The following MPPED2 variants were observed in gnomAD, a reference collection of about 807,000 sequenced individuals.
MPPED2 encodes metallophosphoesterase MPPED2.
Under a neutral mutation model 33.0 loss-of-function variants are expected in MPPED2, and 5 were observed. The observed-to-expected ratio is 0.15, with a 90% CI of 0.08 to 0.32. The LOEUF is 0.32. Ranked by LOEUF, MPPED2 falls within the 10% of genes least tolerant of loss-of-function variation. The pLI is 1.00. For synonymous variants in MPPED2, 136 were observed against 141.9 expected (o/e 0.96, Z 0.29); for missense variants, 275 against 372.1 (o/e 0.74, Z 2.15).
intron 4 of MPPED2, among the ~76,000 whole-genome samples, chr11:30,490,056 A>G (rs911175414): frequency 2.0e-5 from 3 of 152,106 alleles, no homozygotes; most frequent in African/African-American, 7.2e-5. Flanking sequence ...TCAAAACTCT[A>G]CCTTACCTCT....
At chr11:30,430,877 G>A (rs1011020420) in intron 4 of MPPED2, among the ~76,000 whole-genome samples, 1 of 152,158 alleles carries the variant, frequency 6.6e-6, no homozygotes, top group Non-Finnish European at 1.5e-5. Context: ...TGTTCAATCT[G>A]CATCTGGGCA....
chr11:30,528,136 A>AGT (rs1954306321), intron 3 of MPPED2, among the ~76,000 whole-genome samples: 1 of 131,354 alleles, frequency 7.6e-6, no homozygotes, highest in South Asian at 2.6e-4. Flanking sequence ...TTTTATACAC[A>AGT]ATACACACAC....
At chr11:30,458,901 A>ATTTTGCACAGTTC (rs1950395642) in intron 4 of MPPED2, among the ~76,000 whole-genome samples, 1 of 130,864 alleles carries the variant, frequency 7.6e-6, no homozygotes, top group African/African-American at 2.8e-5. Flanking sequence ...TTTTAGGACA[A>ATTTTGCACAGTTC]TTTTGCACAG....
chr11:30,494,757 A>AAAAAAAAGAAAG (rs768924251), intron 4 of MPPED2, among the ~76,000 whole-genome samples: 3 of 120,890 alleles, frequency 2.5e-5, no homozygotes, highest in African/African-American at 4.8e-5. Context: ...AAAAAAAAAA[A>AAAAAAAAGAAAG]AAAGAAAGAA....
chr11:30,392,785 CCAAGATAGACT>C (rs1202676021), intron 6 of MPPED2, among the ~76,000 whole-genome samples: 1 of 152,156 alleles, frequency 6.6e-6, no homozygotes, highest in Non-Finnish European at 1.5e-5. Flanking sequence ...TTGCTCACCT[CCAAGATAGACT>C]CAAGGAGCAG....
chr11:30,485,623 G>A (rs540685598), intron 4 of MPPED2, among the ~76,000 whole-genome samples: 2 of 152,290 alleles, frequency 1.3e-5, no homozygotes, highest in South Asian at 4.1e-4. Context: ...CCCAATGTGG[G>A]GAGCACATGC....
chr11:30,536,519 TTC>T (rs1321569777), intron 2 of MPPED2, among the ~76,000 whole-genome samples: 1 of 152,210 alleles, frequency 6.6e-6, no homozygotes, highest in Non-Finnish European at 1.5e-5. Flanking sequence ...ATTATGCTAT[TTC>T]TCTCTCATCA....
intron 4 of MPPED2, among the ~76,000 whole-genome samples, chr11:30,482,413 C>T (rs1951529690): frequency 6.6e-6 from 1 of 152,120 alleles, no homozygotes. Flanking sequence ...TGTAAGAATG[C>T]TTTTACTGGA....
intron 3 of MPPED2, among the ~76,000 whole-genome samples, chr11:30,520,865 G>A (rs1167086342): frequency 3.9e-5 from 6 of 152,198 alleles, no homozygotes; most frequent in Non-Finnish European, 5.9e-5. Flanking sequence ...AAGGGGGTAA[G>A]TGGGAGCTAT....
intron 2 of MPPED2, among the ~76,000 whole-genome samples, chr11:30,561,731 T>C (rs2134723796): frequency 6.6e-6 from 1 of 152,246 alleles, no homozygotes; most frequent in East Asian, 1.9e-4. Context: ...AAAAGGAAAA[T>C]TGCCTGTGGC....
chr11:30,546,382 G>A (rs560398230), intron 2 of MPPED2, among the ~76,000 whole-genome samples: 2 of 152,032 alleles, frequency 1.3e-5, no homozygotes, highest in Admixed American at 6.5e-5. Flanking sequence ...TGGGAGTGGG[G>A]TTTACAAAGA....
intron 6 of MPPED2, chr11:30,389,088 A>C (rs1190987994): frequency 3.1e-6 from 4 of 1,289,648 alleles, no homozygotes; most frequent in Non-Finnish European, 4.0e-6. Flanking sequence ...GCACCTCTCT[A>C]GAGGACCAAC....
chr11:30,485,648 G>A (rs150936980), intron 4 of MPPED2, among the ~76,000 whole-genome samples: 1 of 152,278 alleles, frequency 6.6e-6, no homozygotes, highest in Non-Finnish European at 1.5e-5. Context: ...CTGCTGGGGA[G>A]GCCCTGCCAG....
At chr11:30,400,641 T>C (rs1270605156) in intron 6 of MPPED2, among the ~76,000 whole-genome samples, 1 of 152,240 alleles carries the variant, frequency 6.6e-6, no homozygotes, top group Non-Finnish European at 1.5e-5. Flanking sequence ...GGACTGAAAC[T>C]TTAATTCCCA....
chr11:30,554,433 A>G (rs537484741), intron 2 of MPPED2, among the ~76,000 whole-genome samples: 6 of 152,224 alleles, frequency 3.9e-5, no homozygotes, highest in South Asian at 2.1e-4. Flanking sequence ...CTGTTTTAAA[A>G]TTTTTGCTCT....
intron 6 of MPPED2, among the ~76,000 whole-genome samples, chr11:30,391,285 G>T (rs899661594): frequency 6.6e-6 from 1 of 152,104 alleles, no homozygotes. Context: ...AAGGCTAATT[G>T]CTCTTTGGTG....
chr11:30,577,552 A>G (rs1956983190), intron 2 of MPPED2, among the ~76,000 whole-genome samples: 1 of 152,228 alleles, frequency 6.6e-6, no homozygotes, highest in Non-Finnish European at 1.5e-5. Context: ...ATTTTAGACT[A>G]AATATTTTAT....
intron 3 of MPPED2, among the ~76,000 whole-genome samples, chr11:30,513,556 A>G (rs1953348935): frequency 6.6e-6 from 1 of 152,230 alleles, no homozygotes; most frequent in Non-Finnish European, 1.5e-5. Context: ...ATTCAACTGT[A>G]GATGGATAAG....
At chr11:30,543,792 C>CT (rs35206591) in intron 2 of MPPED2, among the ~76,000 whole-genome samples, 2,744 of 106,582 alleles carry the variant, frequency 0.026, 43 homozygotes, top group Middle Eastern at 0.047. Flanking sequence ...TGGCGTTGTT[C>CT]TTTTTTTTTT....
Sources: gnomAD v4.1 joint callset for allele counts (sites outside exome capture counted in the v4.1 genomes callset) on GRCh38, gnomAD v4.1.1 for gene constraint, MANE v1.5 for transcripts, NCBI Gene and HGNC (gene_info 2026-07-23, HGNC 2026-07-21) for gene names.